Variants in CDH13 observed in about 807,000 individuals in gnomAD.
CDH13 encodes cadherin 13, also known as cadherin-13.
In CDH13, 24 loss-of-function variants were observed where a neutral mutation model predicts 63.8. The ratio of observed to expected loss-of-function variants is 0.38; its 90% CI spans 0.27 to 0.53. The LOEUF is 0.53. Among genes scored for constraint, CDH13 ranks in the 20% least tolerant of loss-of-function variants. CDH13 has a pLI of 0.85. For missense variants in CDH13, 1,049 were observed against 903.1 expected (o/e 1.16, Z -2.07); for synonymous variants, 503 against 355.3 (o/e 1.42, Z -4.67).
At chr16:83,101,916 C>A (rs1234547086) in intron 3 of CDH13, among the ~76,000 whole-genome samples, 1 of 152,178 alleles carries the variant, frequency 6.6e-6, no homozygotes, top group Non-Finnish European at 1.5e-5. Context: ...CAGGATTGTT[C>A]ACATTCTACT....
Position 83,489,946 on chromosome 16 carries a change from G to A in CDH13, c.960+3291G>A, listed in dbSNP as rs1028959197. ...TCGCAGTATCTCAAATTGCGTGTTG[G>A]AACAATGAATATAGTGATTCCAGTT... On this transcript the variant is annotated intron_variant, in intron 7 of 13. Coordinates refer to ENST00000567109, the MANE Select transcript of CDH13 (RefSeq NM_001257.5). Among the ~76,000 whole-genome samples the A allele has an allele frequency of 2.0e-5, 3 of 151,474 alleles. No individual in the cohort carries two copies. In the East Asian group the frequency reaches 5.8e-4, roughly 30 times the overall value.
intron 2 of CDH13, among the ~76,000 whole-genome samples, chr16:82,862,921 T>C (rs2039998207): frequency 1.3e-5 from 2 of 152,202 alleles, no homozygotes; most frequent in South Asian, 2.1e-4. Context: ...CTTTTATCAC[T>C]GAGCTGGCAG....
At chr16:83,125,321 C>G in intron 3 of CDH13, 64 bp from the exon 4 acceptor site, 1 of 877,988 alleles carries the variant, frequency 1.1e-6, no homozygotes, top group Non-Finnish European at 1.9e-6. Flanking sequence ...AACTCTATCT[C>G]GGAGCAGACT....
intron 8 of CDH13, among the ~76,000 whole-genome samples, chr16:83,646,712 A>AAAAACACACACAC (rs1168012793): frequency 1.4e-4 from 11 of 80,522 alleles, no homozygotes; most frequent in African/African-American, 4.1e-4. Flanking sequence ...AAAAAAAAAA[A>AAAAACACACACAC]ACACACACAC....
At chr16:83,172,063 T>G (rs959142685) in intron 4 of CDH13, among the ~76,000 whole-genome samples, 1 of 152,074 alleles carries the variant, frequency 6.6e-6, no homozygotes, top group Non-Finnish European at 1.5e-5. Flanking sequence ...TGACCTTACT[T>G]GGACATAGGA....
At position 83,625,086 on chromosome 16, in the gene CDH13, A is replaced by G. The variant is rs113782059; in HGVS notation, c.1101+22492A>G. Among the ~76,000 whole-genome samples, 190 of 152,260 alleles carry G rather than the reference A, an allele frequency of 1.2e-3. 2 individuals are homozygous for G. The highest frequency in any genetic ancestry group is 4.5e-3 in the African/African-American group (186 of 41,558). ...TACAAATCAGGGCTTTTCCCCCTGA[A>G]TTGCCATTAAACATTTACCAGCACA... On this transcript the variant is annotated intron_variant, in intron 8 of 13. Coordinates refer to ENST00000567109, the MANE Select transcript of CDH13 (RefSeq NM_001257.5).
At chr16:83,422,704 G>A (rs1444761009) in intron 6 of CDH13, among the ~76,000 whole-genome samples, 5 of 152,104 alleles carry the variant, frequency 3.3e-5, no homozygotes, top group African/African-American at 9.7e-5. Flanking sequence ...TGACCTCTAA[G>A]CTCATGTGGC....
intron 4 of CDH13, among the ~76,000 whole-genome samples, chr16:83,167,158 A>C (rs1038010053): frequency 2.6e-5 from 4 of 151,596 alleles, no homozygotes; most frequent in Non-Finnish European, 5.9e-5. Flanking sequence ...TACTTTGTAG[A>C]CTTTGAGTCT....
At chr16:82,910,464 G>A (rs1452244831) in intron 2 of CDH13, among the ~76,000 whole-genome samples, 1 of 151,940 alleles carries the variant, frequency 6.6e-6, no homozygotes, top group Non-Finnish European at 1.5e-5. Flanking sequence ...GATTTTTTTT[G>A]TATTATTTAT....
intron 6 of CDH13, among the ~76,000 whole-genome samples, chr16:83,450,307 T>A (rs1011515679): frequency 1.3e-5 from 2 of 152,160 alleles, no homozygotes; most frequent in African/African-American, 4.8e-5. Context: ...GAGTGCAGCT[T>A]GTTCTATGAA....
At chr16:83,601,539 G>C (rs769516132) in intron 7 of CDH13, among the ~76,000 whole-genome samples, 1 of 152,184 alleles carries the variant, frequency 6.6e-6, no homozygotes, top group Non-Finnish European at 1.5e-5. Context: ...AAGAAGTGTG[G>C]TATAAGTGAC....
chr16:83,675,247 G>C (rs1474814165), intron 9 of CDH13, among the ~76,000 whole-genome samples: 2 of 152,186 alleles, frequency 1.3e-5, no homozygotes, highest in East Asian at 3.9e-4. Context: ...AGGGGATTAG[G>C]AACAGAGACC....
chr16:83,346,075 A>G (rs548513340), intron 6 of CDH13, among the ~76,000 whole-genome samples: 1 of 152,280 alleles, frequency 6.6e-6, no homozygotes, highest in South Asian at 2.1e-4. Context: ...GTCTTTATGC[A>G]CTGCATCAGA....
chr16:83,602,097 A>AAAAAAAAAAAAAAAAC, intron 7 of CDH13, among the ~76,000 whole-genome samples: 1 of 70,414 alleles, frequency 1.4e-5, no homozygotes, highest in Non-Finnish European at 2.7e-5. Context: ...AAAAAAAAAA[A>AAAAAAAAAAAAAAAAC]GAACAACAAC....
chr16:83,222,098 C>G (rs775276845), intron 5 of CDH13, among the ~76,000 whole-genome samples: 39 of 152,174 alleles, frequency 2.6e-4, no homozygotes, highest in African/African-American at 9.2e-4. Context: ...AACCTTGATA[C>G]GTCTATCACA....
At chr16:83,122,739 G>C (rs1036874336) in intron 3 of CDH13, among the ~76,000 whole-genome samples, 1 of 151,578 alleles carries the variant, frequency 6.6e-6, no homozygotes, top group African/African-American at 2.4e-5. Context: ...TTTTGAAAAT[G>C]CCTATCTATT....
chr16:83,620,342 G>A (rs1909693660), intron 8 of CDH13, among the ~76,000 whole-genome samples: 1 of 136,318 alleles, frequency 7.3e-6, no homozygotes, highest in African/African-American at 2.7e-5. Context: ...AATGAGCCGA[G>A]ATCGCACCAC....
intron 2 of CDH13, among the ~76,000 whole-genome samples, chr16:82,906,027 T>C (rs562120935): frequency 6.6e-6 from 1 of 152,338 alleles, no homozygotes; most frequent in Non-Finnish European, 1.5e-5. Flanking sequence ...TATGAATATA[T>C]ACATGCATAT....
At chr16:83,633,897 G>A (rs1225195696) in intron 8 of CDH13, among the ~76,000 whole-genome samples, 2 of 152,202 alleles carry the variant, frequency 1.3e-5, no homozygotes, top group South Asian at 2.1e-4. Context: ...GGCTTATAAA[G>A]AAAAGCAACT....
Sources: allele counts gnomAD v4.1 joint callset (sites outside exome capture counted in the v4.1 genomes callset), GRCh38; gene constraint gnomAD v4.1.1; transcripts MANE v1.5; gene names NCBI Gene and HGNC (gene_info 2026-07-23, HGNC 2026-07-21).